Variants in DNAJB13 observed in about 807,000 individuals in gnomAD.
DNAJB13 encodes dnaJ homolog subfamily B member 13.
Under a neutral mutation model 35.6 loss-of-function variants are expected in DNAJB13, and 22 were observed. The ratio of observed to expected loss-of-function variants is 0.62; its 90% CI spans 0.44 to 0.88. DNAJB13 has a LOEUF of 0.88. DNAJB13 is among the 40% of genes least tolerant of loss of function. The probability of loss-of-function intolerance (pLI) is 0.00; values close to 1 mark genes in which losing one functional copy is unlikely to be tolerated. For missense variants in DNAJB13, 370 were observed against 384.3 expected, an observed-to-expected ratio of 0.96 and a Z score of 0.31; for synonymous variants, 136 against 144.2, an observed-to-expected ratio of 0.94 and a Z score of 0.41.
chr11:73,969,252 A>C lies in DNAJB13; in HGVS notation c.727A>C (p.Thr243Pro). The C allele has an allele frequency of 1.2e-6, 1 of 869,210 alleles. No homozygotes were observed. Among genetic ancestry groups the C allele is most frequent in the Non-Finnish European group, 2.0e-6 (1 of 500,328 alleles). The allele number at this position is 869,210 out of a possible 1,614,324, so 53.8% of individuals were successfully genotyped here. ...VNPIPLGKAL[T>P]CCTVEVRTLD... is the part of the protein sequence containing the mutation. ...TGGCCCTGACCCTCCCTAGGCTCTC[A>C]CCTGCTGCACTGTGGAGGTGAGGAC... The change falls in exon 7 of 8, where the codon ACC becomes CCC. Residue 243 changes from threonine to proline, a missense_variant. By Grantham distance (38) the Thr-to-Pro change is conservative. Transcript: ENST00000339764.
Position 73,967,918 on chromosome 11 carries a change from G to T in DNAJB13, c.607-427G>T, listed in dbSNP as rs1951165775. ...GATTCACTGTCAGTGTTAGGGGCCA[G>T]TCTGATTCCTCTGTCCCCAGCGCCC... On this transcript the variant is annotated intron_variant, in intron 5 of 7. Coordinates refer to ENST00000339764, the MANE Select transcript of DNAJB13 (RefSeq NM_153614.4). The T allele has an allele frequency of 6.5e-5, 17 of 260,138 alleles. No homozygotes were observed. In the East Asian group the frequency reaches 1.2e-3, roughly 19 times the overall value. 16.1% of individuals were successfully genotyped at this position (260,138 alleles called of 1,614,324 possible).
chr11:73,963,550 A>AGGGTTCCTGAGTCCCATCTCCCTGCAG, intron 3 of DNAJB13: 1 of 152,190 alleles, frequency 6.6e-6, no homozygotes, highest in Admixed American at 6.6e-5. Flanking sequence ...CTCCACCCCA[A>AGGGTTCCTGAGTCCCATCTCCCTGCAG]GGGTTCCTGA....
intron 5 of DNAJB13, 163 bp from the exon 6 acceptor site, chr11:73,968,182 A>G: frequency 1.6e-6 from 1 of 636,780 alleles, no homozygotes; most frequent in African/African-American, 1.8e-5. Flanking sequence ...TCGGGCTTCT[A>G]ATCCATCTGG....
Position 73,964,919 on chromosome 11 carries a change from G to T in DNAJB13, c.376G>T (p.Gly126Trp). 6.2e-7 allele frequency: 1 copy of T among 1,613,680 alleles called. No individual in the cohort carries two copies. The highest frequency in any genetic ancestry group is 1.7e-4 in the Middle Eastern group (1 of 5,838). ...AEGSEVDLNF[G>W]GLQGRGVKKQ... is the part of the protein sequence containing the mutation. ...AGGAAGTGAGGTAGATTTGAACTTTGGGGGGCTCCAGGGCCGAGGGGTCAA... is the reference window on the plus strand; with the variant it reads ...AGGAAGTGAGGTAGATTTGAACTTTTGGGGGCTCCAGGGCCGAGGGGTCAA... The change falls in exon 4 of 8, where the codon GGG becomes TGG. Residue 126 changes from glycine (G) to tryptophan (W), a missense_variant. Physicochemically the swap from Gly to Trp is radical, Grantham distance 184 (BLOSUM62 -2). Coordinates refer to ENST00000339764, the MANE Select transcript of DNAJB13 (RefSeq NM_153614.4).
At chr11:73,965,274 A>G (rs1489741083) in intron 4 of DNAJB13, 3 of 392,944 alleles carry the variant, frequency 7.6e-6, no homozygotes, top group South Asian at 9.1e-5. Context: ...CAACTGGGAC[A>G]GGCTCTTTCC....
At chr11:73,960,184 A>C (rs1044476451) in intron 3 of DNAJB13, among the ~76,000 whole-genome samples, 3 of 150,574 alleles carry the variant, frequency 2.0e-5, no homozygotes, top group East Asian at 2.0e-4. Context: ...TTTCTTTTTT[A>C]TTTTTATTTT....
chr11:73,953,035 G>C (rs1250333122), intron 1 of DNAJB13, among the ~76,000 whole-genome samples: 1 of 152,138 alleles, frequency 6.6e-6, no homozygotes, highest in Non-Finnish European at 1.5e-5. Flanking sequence ...AGGGCAGCCT[G>C]GGCATCATAG....
chr11:73,964,769 G>GTT (rs1951034815), intron 3 of DNAJB13, 109 bp from the exon 4 acceptor site: 1 of 160,080 alleles, frequency 6.2e-6, no homozygotes, highest in South Asian at 5.4e-5. Flanking sequence ...GGGAGGCTGT[G>GTT]TGTGTGTGTG....
Position 73,959,616 on chromosome 11 carries a change from G to A in DNAJB13, c.295G>A (p.Val99Met), listed in dbSNP as rs750366252. 2 of 1,614,212 alleles carry A rather than the reference G, an allele frequency of 1.2e-6. No homozygotes were observed. The highest frequency in any genetic ancestry group is 1.7e-5 in the Admixed American group (1 of 60,024). The change falls in exon 3 of 8, where the codon GTG (valine) becomes ATG (methionine). Residue 99 changes from valine (V) to methionine (M), a missense_variant. Physicochemically the swap from Val to Met is conservative, Grantham distance 21. Coordinates refer to ENST00000339764, the MANE Select transcript of DNAJB13 (RefSeq NM_153614.4). Reference protein sequence around the residue: ...GYVFHGKPEKVFHEFFGGNNP... With the variant: ...GYVFHGKPEKMFHEFFGGNNP... ...CGTCTTCCATGGCAAACCTGAAAAG[G>A]TGTTCCACGAGTTCTTTGGTGGAAA...
rs766379903 is a variant in DNAJB13, at chr11:73,970,153, G to A, written c.*39G>A. On this transcript the variant is annotated 3_prime_UTR_variant, in exon 8 of 8. Coordinates refer to ENST00000339764, the MANE Select transcript of DNAJB13 (RefSeq NM_153614.4). Reference sequence around the variant, plus strand: ...GAGCAGGGGTGAGAGGAGGCTAGCCGGGCCTCACCCCACCCCTACCCGCCA... The same window carrying A: ...GAGCAGGGGTGAGAGGAGGCTAGCCAGGCCTCACCCCACCCCTACCCGCCA... 37 of 1,543,596 alleles carry A rather than the reference G, an allele frequency of 2.4e-5. No individual in the cohort carries two copies. The Admixed American group carries it at 3.5e-4, about 15-fold the overall frequency.
rs1554989398 is a variant in DNAJB13 at position 73,954,638 on chromosome 11, A to AAT, written c.68+3502_68+3503insTA. Reference sequence around the variant, plus strand: ...GAGTGAGACTCCGTCTCAAAAAAAAAAAATAAAATAAATAAATAAATAAAT... The same window carrying AAT: ...GAGTGAGACTCCGTCTCAAAAAAAAAATAAATAAAATAAATAAATAAATAAAT... On this transcript the variant is annotated intron_variant, in intron 1 of 7. Coordinates refer to ENST00000339764, the MANE Select transcript of DNAJB13 (RefSeq NM_153614.4). Among the ~76,000 whole-genome samples the AAT allele has an allele frequency of 5.6e-3, 726 of 129,584 alleles. 8 individuals carry two copies. Among genetic ancestry groups the AAT allele is most frequent in the African/African-American group, 0.019 (685 of 36,594 alleles). 85.0% of individuals were successfully genotyped at this position (129,584 alleles called of 152,430 possible).
At position 73,968,342 on chromosome 11, in the gene DNAJB13, C is replaced by T; in HGVS notation, c.607-3C>T. ...TTGTCACCTTTTGGCGTCCCCTGCCCAGGGCCCCAACATCATCCCAGCAGA... is the reference window on the plus strand; with the variant it reads ...TTGTCACCTTTTGGCGTCCCCTGCCTAGGGCCCCAACATCATCCCAGCAGA... On this transcript the variant is annotated splice_polypyrimidine_tract_variant and splice_region_variant and intron_variant, in intron 5 of 7. Coordinates refer to ENST00000339764, the MANE Select transcript of DNAJB13 (RefSeq NM_153614.4). 6.2e-7 allele frequency: 1 copy of T among 1,614,136 alleles called. No individual in the cohort carries two copies. Among genetic ancestry groups the T allele is most frequent in the Non-Finnish European group, 8.5e-7 (1 of 1,180,004 alleles).
intron 4 of DNAJB13, 132 bp downstream of exon 4, chr11:73,965,167 T>A: frequency 9.7e-7 from 1 of 1,025,946 alleles, no homozygotes; most frequent in Non-Finnish European, 1.4e-6. Flanking sequence ...TTCAGAGACC[T>A]AGGATGTTAG....
At chr11:73,954,917 C>T (rs1200011405) in intron 1 of DNAJB13, among the ~76,000 whole-genome samples, 1 of 152,032 alleles carries the variant, frequency 6.6e-6, no homozygotes, top group Non-Finnish European at 1.5e-5. Context: ...AGTCATTGTA[C>T]TCCAGCCTGA....
intron 1 of DNAJB13, 29 bp downstream of exon 1, chr11:73,951,166 G>T: frequency 6.2e-7 from 1 of 1,613,430 alleles, no homozygotes; most frequent in Non-Finnish European, 8.5e-7. Context: ...CAGGCCTTAG[G>T]GGTGTGCTGG....
In DNAJB13 at chr11:73,969,944, C is replaced by A; in HGVS notation, c.798-17C>A. 1 of 1,601,568 alleles carries A rather than the reference C, an allele frequency of 6.2e-7. No homozygotes were observed. The highest frequency in any genetic ancestry group is 1.3e-5 in the African/African-American group (1 of 74,934). On this transcript the variant is annotated splice_polypyrimidine_tract_variant and intron_variant, in intron 7 of 7. Transcript: ENST00000339764. ...TCTGGGATGCCCTCTATGCTCCTTT[C>A]TTTCATCCTATTTCAGCCCCAAATA... is the stretch of plus-strand genomic sequence containing the variant.
At chr11:73,960,932 C>A (rs1010661794) in intron 3 of DNAJB13, among the ~76,000 whole-genome samples, 3 of 152,110 alleles carry the variant, frequency 2.0e-5, no homozygotes, top group Non-Finnish European at 1.5e-5. Flanking sequence ...ATTGCAGAAG[C>A]AAATACTGTT....
At chr11:73,964,560 A>C in intron 3 of DNAJB13, 2 of 321,230 alleles carry the variant, frequency 6.2e-6, no homozygotes, top group Non-Finnish European at 5.8e-6. Flanking sequence ...CGAGTTGTGA[A>C]TAAGAGAGAC....
chr11:73,955,838 T>A (rs1433354402), intron 1 of DNAJB13, among the ~76,000 whole-genome samples: 1 of 152,146 alleles, frequency 6.6e-6, no homozygotes, highest in East Asian at 1.9e-4. Flanking sequence ...GTGACCTTTA[T>A]AATTGAGAAA....
Sources: allele counts gnomAD v4.1 joint callset (sites outside exome capture counted in the v4.1 genomes callset), GRCh38; gene constraint gnomAD v4.1.1; transcripts MANE v1.5; gene names NCBI Gene and HGNC (gene_info 2026-07-23, HGNC 2026-07-21).